SYCP1: variants seen among roughly 807,000 people sequenced by gnomAD.
SYCP1 encodes the protein cancer/testis antigen 8.
A neutral mutation model predicts 153.1 loss-of-function variants in SYCP1; 64 were observed. The ratio of observed to expected loss-of-function variants is 0.42; its 90% confidence interval spans 0.34 to 0.51. The LOEUF is 0.51. Ranked by LOEUF, SYCP1 falls within the 20% of genes least tolerant of loss-of-function variation. The pLI, the probability that SYCP1 is intolerant of heterozygous loss-of-function variation, is 0.06. For missense variants in SYCP1, 997 were observed against 1,049.0 expected (o/e 0.95, Z 0.68); for synonymous variants, 384 against 341.8 (o/e 1.12, Z -1.36).
At chr1:114,940,916 A>G (rs1670343251) in intron 23 of SYCP1, among the ~76,000 whole-genome samples, 1 of 152,006 alleles carries the variant, frequency 6.6e-6, no homozygotes, top group African/African-American at 2.4e-5. Flanking sequence ...TCTGTTTTCT[A>G]ATTTCAGTTC....
At chr1:114,953,896 G>A (rs1671265706) in intron 27 of SYCP1, among the ~76,000 whole-genome samples, 1 of 152,018 alleles carries the variant, frequency 6.6e-6, no homozygotes, top group Admixed American at 6.6e-5. Context: ...TCTTTACTTT[G>A]TTGAGTTTTC....
chr1:114,913,522 ATAACT>A, intron 19 of SYCP1, among the ~76,000 whole-genome samples: 1 of 152,212 alleles, frequency 6.6e-6, no homozygotes, highest in African/African-American at 2.4e-5. Context: ...AATTTCTCAC[ATAACT>A]TAAGCAAAAT....
chr1:114,892,478 G>A (rs1441107879), intron 15 of SYCP1, among the ~76,000 whole-genome samples: 1 of 152,192 alleles, frequency 6.6e-6, no homozygotes, highest in African/African-American at 2.4e-5. Flanking sequence ...CCGCTGCTGG[G>A]GGCAGTGAGG....
At chr1:114,959,121 T>A (rs192204628) in intron 27 of SYCP1, among the ~76,000 whole-genome samples, 105 of 152,242 alleles carry the variant, frequency 6.9e-4, no homozygotes, top group Admixed American at 2.4e-3. Flanking sequence ...AAAGTTCTCT[T>A]CTATTCCTAA....
chr1:114,933,387 CT>C (rs1348470537), intron 23 of SYCP1, among the ~76,000 whole-genome samples: 2 of 152,190 alleles, frequency 1.3e-5, no homozygotes, highest in East Asian at 3.9e-4. Flanking sequence ...CACCAAAACC[CT>C]ATCTGTACGT....
chr1:114,978,162 T>C (rs1672924927), intron 28 of SYCP1, among the ~76,000 whole-genome samples: 2 of 151,628 alleles, frequency 1.3e-5, no homozygotes, highest in Admixed American at 6.6e-5. Flanking sequence ...CAGTTTATAT[T>C]TGAAGGCAAT....
At position 114,907,828 on chromosome 1, in the gene SYCP1, G is replaced by A. The variant is rs142098217; in HGVS notation, c.1321-2569G>A. On this transcript the variant is annotated intron_variant, in intron 16 of 31. Coordinates refer to ENST00000369522, the MANE Select transcript of SYCP1 (RefSeq NM_003176.4). ...GATCTCCTGACCTCGTGATCCACCC[G>A]CCTCGGCCTCCCTATTTATGTCCTT... Among the ~76,000 whole-genome samples, 15 of 152,054 alleles carry A rather than the reference G, an allele frequency of 9.9e-5. No individual in the cohort carries two copies. The East Asian group carries it at 2.3e-3, about 24-fold the overall frequency.
intron 30 of SYCP1, among the ~76,000 whole-genome samples, chr1:114,991,933 TAATA>T (rs1300954951): frequency 6.6e-6 from 1 of 151,814 alleles, no homozygotes; most frequent in Non-Finnish European, 1.5e-5. Context: ...CTATTAGAGC[TAATA>T]AATAAATTCA....
chr1:114,966,760 C>G (rs1241461716), intron 27 of SYCP1, among the ~76,000 whole-genome samples: 1 of 151,532 alleles, frequency 6.6e-6, no homozygotes, highest in Non-Finnish European at 1.5e-5. Context: ...TCTTGACTCA[C>G]TGCAACCTCT....
chr1:114,970,457 A>G (rs558681271), intron 27 of SYCP1, among the ~76,000 whole-genome samples: 1 of 151,364 alleles, frequency 6.6e-6, no homozygotes, highest in Admixed American at 6.6e-5. Context: ...CTGGTGAGCT[A>G]GTGTGATCTT....
intron 27 of SYCP1, among the ~76,000 whole-genome samples, chr1:114,974,210 G>A (rs1432005520): frequency 1.3e-5 from 2 of 151,486 alleles, no homozygotes; most frequent in Non-Finnish European, 3.0e-5. Flanking sequence ...ATTTATTCTT[G>A]TGTTTCTGTA....
chr1:114,857,136 C>CAAAAAAAA lies in SYCP1; in HGVS notation c.194-82_194-75dup, dbSNP rs71582509. Reference sequence around the variant, plus strand: ...ATAGTGCCAGATGTCCTCTCTCTCTCAAAAAAAAAAAAAAAAAAAAAGAGA... The same window carrying CAAAAAAAA: ...ATAGTGCCAGATGTCCTCTCTCTCTCAAAAAAAAAAAAAAAAAAAAAAAAAAAAAGAGA... On this transcript the variant is annotated intron_variant, in intron 3 of 31. Coordinates refer to ENST00000369522, the MANE Select transcript of SYCP1 (RefSeq NM_003176.4). 633 of 244,986 alleles carry CAAAAAAAA rather than the reference C, an allele frequency of 2.6e-3. 15 individuals are homozygous for CAAAAAAAA. The highest frequency in any genetic ancestry group is 5.1e-3 in the Middle Eastern group (3 of 590). The allele number at this position is 244,986 out of a possible 1,614,324, so 15.2% of individuals were successfully genotyped here. A position where few individuals can be genotyped will look rare whatever the true frequency, so the allele number is the denominator to read the frequency against.
intron 12 of SYCP1, among the ~76,000 whole-genome samples, 192 bp downstream of exon 12, chr1:114,878,394 C>G (rs1339691657): frequency 6.6e-6 from 1 of 151,954 alleles, no homozygotes; most frequent in Non-Finnish European, 1.5e-5. Flanking sequence ...CTCTTCTTTT[C>G]CTTTTTCCAT....
intron 8 of SYCP1, among the ~76,000 whole-genome samples, chr1:114,873,676 T>G (rs1185968220): frequency 3.9e-5 from 6 of 152,200 alleles, no homozygotes; most frequent in Non-Finnish European, 8.8e-5. Context: ...CTATGTTCAT[T>G]GTGAGAAACC....
intron 16 of SYCP1, among the ~76,000 whole-genome samples, chr1:114,904,129 T>G (rs575179635): frequency 6.6e-6 from 1 of 151,730 alleles, no homozygotes; most frequent in South Asian, 2.1e-4. Flanking sequence ...TCTTTTTTTT[T>G]TTTTTGAGAC....
At chr1:114,917,563 C>T (rs1423217759) in intron 20 of SYCP1, among the ~76,000 whole-genome samples, 1 of 152,034 alleles carries the variant, frequency 6.6e-6, no homozygotes, top group African/African-American at 2.4e-5. Flanking sequence ...CCAAGCCATT[C>T]TCCATAGTGG....
intron 12 of SYCP1, among the ~76,000 whole-genome samples, chr1:114,879,391 T>C (rs2101494934): frequency 6.6e-6 from 1 of 152,338 alleles, no homozygotes; most frequent in East Asian, 1.9e-4. Context: ...ACTCCAGATA[T>C]ATTGAAATAA....
At chr1:114,940,496 C>G (rs1670317766) in intron 23 of SYCP1, among the ~76,000 whole-genome samples, 1 of 152,094 alleles carries the variant, frequency 6.6e-6, no homozygotes, top group Non-Finnish European at 1.5e-5. Flanking sequence ...TATCTGTGTC[C>G]TATAGGTTTT....
chr1:114,900,547 C>G (rs1667367699), intron 16 of SYCP1, among the ~76,000 whole-genome samples: 1 of 152,250 alleles, frequency 6.6e-6, no homozygotes, highest in Non-Finnish European at 1.5e-5. Flanking sequence ...TCCCGAAGTG[C>G]TGGGATTACA....
Sources: allele counts gnomAD v4.1 joint callset (sites outside exome capture counted in the v4.1 genomes callset), GRCh38; gene constraint gnomAD v4.1.1; transcripts MANE v1.5; gene names NCBI Gene and HGNC (gene_info 2026-07-23, HGNC 2026-07-21).